The following DOP1B variants were observed in gnomAD, a reference collection of about 807,000 sequenced individuals.
DOP1B encodes the protein protein DOP1B.
A neutral mutation model predicts 233.5 loss-of-function variants in DOP1B; 174 were observed. The ratio of observed to expected loss-of-function variants is 0.75; its 90% CI spans 0.66 to 0.85. The LOEUF (loss-of-function observed/expected upper bound fraction) is 0.85, where lower values mean the gene tolerates loss of function less well. Ranked by LOEUF, DOP1B falls within the 40% of genes least tolerant of loss-of-function variation. The pLI, the probability that DOP1B is intolerant of heterozygous loss-of-function variation, is 0.00. For synonymous variants in DOP1B, 1,190 were observed against 1,185.6 expected (o/e 1.00, Z -0.08); for missense variants, 2,652 against 2,846.6 (o/e 0.93, Z 1.56).
chr21:36,206,303 G>T (rs957436239), intron 4 of DOP1B, among the ~76,000 whole-genome samples: 4 of 151,792 alleles, frequency 2.6e-5, no homozygotes, highest in African/African-American at 9.7e-5. Flanking sequence ...GGCCATGCAG[G>T]GTGGACCACT....
chr21:36,238,770 T>C, intron 17 of DOP1B, 69 bp downstream of exon 17: 2 of 1,477,190 alleles, frequency 1.4e-6, no homozygotes, highest in South Asian at 1.1e-5. Context: ...CTGCCCAACG[T>C]GTGGGGCTGG....
chr21:36,282,391 C>T (rs773841259), intron 32 of DOP1B, among the ~76,000 whole-genome samples: 10 of 152,312 alleles, frequency 6.6e-5, no homozygotes, highest in Admixed American at 4.6e-4. Context: ...GCACTCCAGC[C>T]TGGGCAACAA....
chr21:36,160,047 C>A (rs1162194440), intron 1 of DOP1B, among the ~76,000 whole-genome samples: 1 of 152,102 alleles, frequency 6.6e-6, no homozygotes, highest in Non-Finnish European at 1.5e-5. Context: ...TGTTTAGACA[C>A]TTAGTAGAGT....
intron 14 of DOP1B, among the ~76,000 whole-genome samples, chr21:36,231,999 C>A (rs1040750148): frequency 3.3e-5 from 5 of 152,152 alleles, no homozygotes; most frequent in African/African-American, 1.2e-4. Context: ...GCACACGCCA[C>A]CACACCCAGC....
Position 36,160,324 on chromosome 21 carries a change from G to C in DOP1B, c.-27+3381G>C, listed in dbSNP as rs1352523932. Among the ~76,000 whole-genome samples, 3 of 152,072 alleles carry C rather than the reference G, an allele frequency of 2.0e-5. No individual in the cohort carries two copies. In the East Asian group the frequency reaches 5.8e-4, roughly 29 times the overall value. Reference sequence around the variant, plus strand: ...AGTAGGCGGTCTTATTTTGTGGGTGGGTGTGCAAGGTGCAGTATATTTTTG... The same window carrying C: ...AGTAGGCGGTCTTATTTTGTGGGTGCGTGTGCAAGGTGCAGTATATTTTTG... On this transcript the variant is annotated intron_variant, in intron 1 of 36. Transcript: ENST00000691173.
intron 2 of DOP1B, among the ~76,000 whole-genome samples, chr21:36,183,234 AT>A (rs1379916642): frequency 1.3e-5 from 2 of 152,158 alleles, no homozygotes; most frequent in African/African-American, 4.8e-5. Flanking sequence ...TGTCCAGTAG[AT>A]GCCAGTATCA....
intron 27 of DOP1B, among the ~76,000 whole-genome samples, chr21:36,273,231 A>G (rs1449319613): frequency 6.6e-6 from 1 of 151,692 alleles, no homozygotes; most frequent in African/African-American, 2.4e-5. Context: ...GCATGATGAA[A>G]CCCTGTCTCT....
intron 33 of DOP1B, 22 bp from the exon 34 acceptor site, chr21:36,288,734 C>A: frequency 1.9e-6 from 3 of 1,585,478 alleles, no homozygotes; most frequent in Non-Finnish European, 2.6e-6. Context: ...CAGATAGTAA[C>A]TTGAATGCAT....
chr21:36,203,644 TGG>T (rs3216566), intron 4 of DOP1B, among the ~76,000 whole-genome samples: 2 of 150,840 alleles, frequency 1.3e-5, no homozygotes, highest in Admixed American at 6.6e-5. Flanking sequence ...GAGGGTGCAG[TGG>T]GGGGGGTCAT....
rs2066607850 is a variant in DOP1B, at chr21:36,220,043, C to T, written c.1250+551C>T. Among the ~76,000 whole-genome samples the T allele has an allele frequency of 2.0e-5, 3 of 152,064 alleles. No individual in the cohort carries two copies. The South Asian group carries it at 6.2e-4, about 32-fold the overall frequency. The stretch of plus-strand genomic sequence containing the variant: ...TGGAAGACAGCGGGCACATTGGCCT[C>T]ACGTGCGCAGTTACACACAAACCCT... On this transcript the variant is annotated intron_variant, in intron 10 of 36. Transcript: ENST00000691173.
intron 23 of DOP1B, among the ~76,000 whole-genome samples, chr21:36,256,830 C>T (rs2067103256): frequency 6.6e-6 from 1 of 152,202 alleles, no homozygotes; most frequent in Admixed American, 6.5e-5. Flanking sequence ...TTCTCTTACC[C>T]CAAATATGCG....
intron 27 of DOP1B, among the ~76,000 whole-genome samples, chr21:36,275,694 G>A (rs1319384228): frequency 6.6e-6 from 1 of 152,000 alleles, no homozygotes; most frequent in Non-Finnish European, 1.5e-5. Flanking sequence ...GTAGCATCAA[G>A]TCCCTTGAGA....
intron 1 of DOP1B, among the ~76,000 whole-genome samples, chr21:36,159,940 A>T (rs1048481762): frequency 6.6e-5 from 10 of 152,202 alleles, no homozygotes; most frequent in Admixed American, 5.9e-4. Flanking sequence ...TACGTGTCCC[A>T]CATTAAACTG....
At chr21:36,220,463 T>TA (rs1211104778) in intron 10 of DOP1B, among the ~76,000 whole-genome samples, 7 of 152,284 alleles carry the variant, frequency 4.6e-5, no homozygotes, top group Admixed American at 1.3e-4. Flanking sequence ...AAGGTAGAAT[T>TA]ACACCAGTTA....
In DOP1B at chr21:36,244,645, C is replaced by T. The variant is rs529058994; in HGVS notation, c.3068-403C>T. 9.9e-5 allele frequency among the ~76,000 whole-genome samples: 15 copies of T among 152,168 alleles called. No individual in the cohort carries two copies. The South Asian group carries it at 2.1e-3, about 21-fold the overall frequency. ...TTCACCATTTTGGCGAGGCTGATCT[C>T]GAACTCCTGACCTCCGGTGATCTAC... On this transcript the variant is annotated intron_variant, in intron 18 of 36. Transcript: ENST00000691173.
At chr21:36,178,521 A>C (rs2066057552) in intron 2 of DOP1B, among the ~76,000 whole-genome samples, 1 of 152,124 alleles carries the variant, frequency 6.6e-6, no homozygotes, top group African/African-American at 2.4e-5. Flanking sequence ...GGCTGTCTGC[A>C]AGCCAGGAAG....
chr21:36,167,945 T>C (rs1406299422), intron 2 of DOP1B, among the ~76,000 whole-genome samples: 2 of 133,162 alleles, frequency 1.5e-5, no homozygotes, highest in African/African-American at 5.5e-5. Context: ...TTTTTCTTTT[T>C]TTTTTTTTTT....
At position 36,245,961 on chromosome 21, in the gene DOP1B, C is replaced by T. The variant is rs1241439234; in HGVS notation, c.3981C>T (p.Tyr1327=). 1.2e-6 allele frequency: 2 copies of T among 1,614,092 alleles called. No individual in the cohort carries two copies. Among genetic ancestry groups the T allele is most frequent in the Non-Finnish European group, 1.7e-6 (2 of 1,180,036 alleles). Residue 1327 remains tyrosine, a synonymous_variant, in exon 19 of 37, where the codon TAC becomes TAT. Coordinates refer to ENST00000691173, the MANE Select transcript of DOP1B (RefSeq NM_001320714.2). This position sits in a 1 kb window ranked among gnomAD's most constrained non-coding sequence, Gnocchi z 5.5. Reference sequence around the variant, plus strand: ...GCCTGAGCTTCCTGCGCTCCTACTACCCTTGCTATTTGAAGGTCTCGCACC... The same window carrying T: ...GCCTGAGCTTCCTGCGCTCCTACTATCCTTGCTATTTGAAGGTCTCGCACC... ...YLCLSFLRSY[Y]PCYLKVSHRD...
chr21:36,232,692 G>T (rs1601432607), intron 14 of DOP1B, 112 bp from the exon 15 acceptor site: 1 of 1,452,450 alleles, frequency 6.9e-7, no homozygotes, highest in Non-Finnish European at 9.4e-7. Context: ...TGCTGTCCAG[G>T]TGGATTTCTC....
Sources: gnomAD v4.1 joint callset for allele counts (sites outside exome capture counted in the v4.1 genomes callset) on GRCh38, gnomAD v4.1.1 for gene constraint, Gnocchi (gnomAD v3.1) non-coding constraint, MANE v1.5 for transcripts, NCBI Gene and HGNC (gene_info 2026-07-23, HGNC 2026-07-21) for gene names.